Variants in USP11 observed in about 807,000 individuals in gnomAD.
USP11 encodes the protein ubiquitin specific peptidase 11, also known as ubiquitin carboxyl-terminal hydrolase 11.
USP11 carries 5 observed loss-of-function variants against 72.8 expected under a neutral mutation model. The observed-to-expected ratio is 0.07, with a 90% CI of 0.04 to 0.14. USP11 has a LOEUF of 0.14. Among genes scored for constraint, USP11 ranks in the 10% least tolerant of loss-of-function variants. The pLI is 1.00. For synonymous variants in USP11, 368 were observed against 326.5 expected (o/e 1.13, Z -1.37); for missense variants, 480 against 794.7 (o/e 0.60, Z 4.76).
rs751101890 is a variant in USP11, at chrX:47,244,905, C to T, written c.2067C>T (p.Thr689=). The change falls in exon 15 of 21, where the codon ACC becomes ACT. Residue 689 remains threonine, a synonymous_variant. Coordinates refer to ENST00000377107, the MANE Select transcript of USP11 (RefSeq NM_001371072.1). ...VNSNGTSDRT[T]SPEEVHAQPY... is the part of the protein sequence containing the mutation. The stretch of plus-strand genomic sequence containing the variant: ...CCAATGGGACCAGCGACCGCACAAC[C>T]TCCCCTGAAGAAGTCCATGGTATTT... The T allele has an allele frequency of 2.5e-6, 3 of 1,210,191 alleles. No individual in the cohort carries two copies. Among genetic ancestry groups the T allele is most frequent in the African/African-American group, 1.7e-5 (1 of 57,182 alleles).
At chrX:47,246,433 A>G (rs1174482719) in intron 17 of USP11, among the ~76,000 whole-genome samples, 3 of 112,307 alleles carry the variant, frequency 2.7e-5, no homozygotes, top group South Asian at 7.3e-4. Context: ...CAAGCAATCA[A>G]TAAATACTGG....
In USP11 at chrX:47,240,660, G is replaced by C. The variant is rs1422891992; in HGVS notation, c.743+12G>C. On this transcript the variant is annotated intron_variant, in intron 6 of 20. Transcript: ENST00000377107. ...CAGCTGCATGTCATGTGAGCCCTTG[G>C]GGTATCTGGTCCAGAGCGGGGGCGT... The C allele has an allele frequency of 8.3e-7, 1 of 1,210,437 alleles. No homozygotes were observed. The highest frequency in any genetic ancestry group is 1.7e-5 in the African/African-American group (1 of 57,298).
intron 1 of USP11, among the ~76,000 whole-genome samples, chrX:47,234,291 C>T (rs2055361335): frequency 9.0e-6 from 1 of 111,670 alleles, no homozygotes; most frequent in South Asian, 3.7e-4. Flanking sequence ...TTTAACGAGT[C>T]ATGATAACTA....
chrX:47,240,500 A>G (rs909057354), intron 5 of USP11, 50 bp downstream of exon 5: 91 of 1,207,670 alleles, frequency 7.5e-5, no homozygotes, highest in Non-Finnish European at 9.7e-5. Flanking sequence ...AGATAGACTC[A>G]CCTGGCAGTA....
In USP11 at chrX:47,233,256, A is replaced by G. The variant is rs776587523; in HGVS notation, c.176+37A>G. The G allele has an allele frequency of 6.5e-5, 69 of 1,064,880 alleles. 1 individual carries two copies. The Middle Eastern group carries it at 5.1e-3, about 78-fold the overall frequency. 87.8% of individuals were successfully genotyped at this position (1,064,880 alleles called of 1,213,427 possible). A position where few individuals can be genotyped will look rare whatever the true frequency, so the allele number is the denominator to read the frequency against. On this transcript the variant is annotated intron_variant, in intron 1 of 20. Coordinates refer to ENST00000377107, the MANE Select transcript of USP11 (RefSeq NM_001371072.1). ...CTGCGGTGGAGCCTCGGCAGAGGGA[A>G]CGGTGGGGGCATTGACAACCGCTGG... is the stretch of plus-strand genomic sequence containing the variant.
intron 13 of USP11, 108 bp from the exon 14 acceptor site, chrX:47,244,390 G>T (rs1012021338): frequency 5.3e-6 from 5 of 936,633 alleles, no homozygotes; most frequent in Non-Finnish European, 7.4e-6. Flanking sequence ...ATTCAGAACG[G>T]TTTACATGTG....
chrX:47,242,593 A>G, intron 11 of USP11, 33 bp from the exon 12 acceptor site: 1 of 1,204,136 alleles, frequency 8.3e-7, no homozygotes, highest in Non-Finnish European at 1.1e-6. Context: ...GGCCGTGCAG[A>G]CTAACAGTCC....
rs776123528 is a variant in USP11, at chrX:47,246,977, C to T, written c.2271-95C>T. On this transcript the variant is annotated intron_variant, in intron 17 of 20. Coordinates refer to ENST00000377107, the MANE Select transcript of USP11 (RefSeq NM_001371072.1). ...TGGAGGCTGCAGTGATCCGAGATCG[C>T]GCCACTGTACTCCAGCCTGGGCAAC... 2.0e-3 allele frequency: 2,051 copies of T among 1,049,764 alleles called. 3 individuals are homozygous for T. Among genetic ancestry groups the T allele is most frequent in the South Asian group, 2.7e-3 (114 of 41,843 alleles). 86.5% of individuals were successfully genotyped at this position (1,049,764 alleles called of 1,213,427 possible). A position where few individuals can be genotyped will look rare whatever the true frequency, so the allele number is the denominator to read the frequency against.
At chrX:47,233,486 G>T in intron 1 of USP11, 1 of 1,003,562 alleles carries the variant, frequency 1.0e-6, no homozygotes. Flanking sequence ...GGTCCTGGAG[G>T]TGGGGCCGGG....
In USP11 at chrX:47,245,106, TG is replaced by T. The variant is rs1474568209; in HGVS notation, c.2157+26del. 1 of 1,204,764 alleles carries T rather than the reference TG, an allele frequency of 8.3e-7. No individual in the cohort carries two copies. Among genetic ancestry groups the T allele is most frequent in the East Asian group, 3.0e-5 (1 of 33,781 alleles). On this transcript the variant is annotated intron_variant, in intron 16 of 20. Transcript: ENST00000377107. Reference sequence around the variant, plus strand: ...GCTGAGGTAAATGAGATCCCAGGGATGGGGGGTACTTCCAGCTCTTGCCCCT... The same window carrying T: ...GCTGAGGTAAATGAGATCCCAGGGATGGGGGTACTTCCAGCTCTTGCCCCT...
At chrX:47,234,347 A>T (rs749062005) in intron 1 of USP11, among the ~76,000 whole-genome samples, 3 of 112,298 alleles carry the variant, frequency 2.7e-5, no homozygotes, top group Middle Eastern at 4.6e-3. Flanking sequence ...AGAAAAAAAA[A>T]TTATTTTAAA....
Position 47,243,471 on chromosome X carries a change from G to A in USP11, c.1659G>A (p.Glu553=). The change falls in exon 13 of 21, where the codon GAG becomes GAA. Residue 553 remains glutamate, a synonymous_variant. Transcript: ENST00000377107. ...TCGTGGTTCCTGTCTACCTGCGGGA[G>A]CGCACCCCTGCCCGTGACTACAACA... ...EDIVVPVYLR[E]RTPARDYNNS... The A allele has an allele frequency of 8.3e-7, 1 of 1,211,436 alleles. No homozygotes were observed. Among genetic ancestry groups the A allele is most frequent in the Non-Finnish European group, 1.1e-6 (1 of 895,449 alleles).
Position 47,233,194 on chromosome X carries a change from C to T in USP11, c.151C>T (p.Arg51Cys). ...QIENGESGRE[R>C]PLRAGESWFL... ...AGAAAACGGCGAGAGTGGGCGAGAA[C>T]GTCCACTGCGGGCCGGCGAAAGCTG... Residue 51 changes from arginine to cysteine, a missense_variant, in exon 1 of 21, where the codon CGT becomes TGT. Around this residue, in one of 5 missense-constraint regions of USP11, gnomAD observed 71 missense variants for 71.4 expected, o/e 0.99. Coordinates refer to ENST00000377107, the MANE Select transcript of USP11 (RefSeq NM_001371072.1). 4 of 1,177,069 alleles carry T rather than the reference C, an allele frequency of 3.4e-6. No individual in the cohort carries two copies. The highest frequency in any genetic ancestry group is 4.6e-6 in the Non-Finnish European group (4 of 876,372).
intron 1 of USP11, chrX:47,233,563 G>C (rs1341900211): frequency 1.2e-6 from 1 of 860,429 alleles, no homozygotes; most frequent in Non-Finnish European, 1.4e-6. Context: ...GCGGGGGCGC[G>C]GCCTGCGCTG....
In USP11 at chrX:47,240,299, G is replaced by A. The variant is rs199518167; in HGVS notation, c.536-6G>A. ...GATCTTGAATGTACTCCATCACCCC[G>A]CACAGGCCTAGTATTGCGCACAGCT... On this transcript the variant is annotated splice_polypyrimidine_tract_variant and splice_region_variant and intron_variant, in intron 4 of 20. Coordinates refer to ENST00000377107, the MANE Select transcript of USP11 (RefSeq NM_001371072.1). 160 of 1,207,822 alleles carry A rather than the reference G, an allele frequency of 1.3e-4. No homozygotes were observed. The South Asian group carries it at 2.4e-3, about 18-fold the overall frequency.
chrX:47,238,487 CTTTTT>C (rs57112058), intron 1 of USP11, among the ~76,000 whole-genome samples: 2 of 44,305 alleles, frequency 4.5e-5, no homozygotes, highest in East Asian at 8.2e-4. Context: ...TGTGCCCGGT[CTTTTT>C]TTTTTTTTTT....
intron 1 of USP11, among the ~76,000 whole-genome samples, chrX:47,234,430 T>C: frequency 8.9e-6 from 1 of 112,464 alleles, no homozygotes; most frequent in East Asian, 2.8e-4. Context: ...GGTGAAATTT[T>C]ATTAAAGTGG....
intron 1 of USP11, 111 bp downstream of exon 1, chrX:47,233,330 C>T: frequency 5.3e-5 from 5 of 95,171 alleles, no homozygotes; most frequent in Non-Finnish European, 6.4e-5. Flanking sequence ...GGTGCGGGGG[C>T]GGGGGAGTGG....
chrX:47,240,881 G>A lies in USP11; in HGVS notation c.846+5G>A, dbSNP rs763429354. 2.2e-5 allele frequency: 26 copies of A among 1,204,318 alleles called. No individual in the cohort carries two copies. Among genetic ancestry groups the A allele is most frequent in the Non-Finnish European group, 2.6e-5 (23 of 891,133 alleles). On this transcript the variant is annotated splice_donor_5th_base_variant and intron_variant, in intron 7 of 20. Coordinates refer to ENST00000377107, the MANE Select transcript of USP11 (RefSeq NM_001371072.1). ...TTCATGAACTCGGCCCTGCAGGTTG[G>A]GCCATTATAGTTGTGTCTGGCACAG... is the stretch of plus-strand genomic sequence containing the variant.
Sources: gnomAD v4.1 joint callset for allele counts (sites outside exome capture counted in the v4.1 genomes callset) on GRCh38, gnomAD v4.1.1 for gene constraint, gnomAD v4.1.1 regional missense constraint, MANE v1.5 for transcripts, NCBI Gene and HGNC (gene_info 2026-07-23, HGNC 2026-07-21) for gene names.